Variants in FRMD4B observed in about 807,000 individuals in gnomAD.
The protein encoded by FRMD4B is FERM domain containing 4B, also known as FERM domain-containing protein 4B.
A neutral mutation model predicts 141.5 loss-of-function variants in FRMD4B; 74 were observed. The ratio of observed to expected loss-of-function variants is 0.52; its 90% CI spans 0.43 to 0.63. The LOEUF (loss-of-function observed/expected upper bound fraction) is 0.63. FRMD4B is among the 30% of genes least tolerant of loss of function. The probability of loss-of-function intolerance (pLI) is 0.00; values close to 1 mark genes in which losing one functional copy is unlikely to be tolerated. For missense variants in FRMD4B, 1,366 were observed against 1,253.4 expected, an observed-to-expected ratio of 1.09 and a Z score of -1.36; for synonymous variants, 506 against 467.9, an observed-to-expected ratio of 1.08 and a Z score of -1.05.
chr3:69,458,963 C>A (rs1467815643), intron 1 of FRMD4B, among the ~76,000 whole-genome samples: 8 of 151,628 alleles, frequency 5.3e-5, no homozygotes, highest in African/African-American at 1.9e-4. Context: ...TGCTGACTCA[C>A]TCTGAAATGG....
At chr3:69,282,204 T>C (rs2093647886) in intron 5 of FRMD4B, among the ~76,000 whole-genome samples, 1 of 152,368 alleles carries the variant, frequency 6.6e-6, no homozygotes, top group East Asian at 1.9e-4. Context: ...AGCTCTCTTT[T>C]CTTGCCTGTG....
chr3:69,226,577 T>C (rs946921902), intron 7 of FRMD4B, among the ~76,000 whole-genome samples: 1 of 152,084 alleles, frequency 6.6e-6, no homozygotes, highest in African/African-American at 2.4e-5. Context: ...ACCACATGCA[T>C]GTTGTTATTT....
intron 5 of FRMD4B, among the ~76,000 whole-genome samples, chr3:69,262,761 A>T (rs1039269045): frequency 7.9e-5 from 12 of 151,714 alleles, no homozygotes; most frequent in Non-Finnish European, 1.5e-4. Flanking sequence ...CGCCCGGTCC[A>T]CAAATAAGTA....
intron 5 of FRMD4B, among the ~76,000 whole-genome samples, chr3:69,286,346 T>C (rs189462391): frequency 1.4e-4 from 21 of 152,306 alleles, no homozygotes; most frequent in Non-Finnish European, 2.1e-4. Context: ...TAAAAGTAAA[T>C]TGTATGACAT....
At chr3:69,246,745 G>A (rs924659331) in intron 7 of FRMD4B, among the ~76,000 whole-genome samples, 3 of 152,210 alleles carry the variant, frequency 2.0e-5, no homozygotes, top group African/African-American at 7.2e-5. Context: ...ACTACTTAGT[G>A]TAGTTTGGAC....
chr3:69,333,288 C>CT (rs1435971142), intron 1 of FRMD4B, among the ~76,000 whole-genome samples: 1 of 152,106 alleles, frequency 6.6e-6, no homozygotes, highest in African/African-American at 2.4e-5. Flanking sequence ...TGTCAGAGTC[C>CT]TGAAGGCTTT....
In FRMD4B at chr3:69,189,879, A is replaced by C. The variant is rs752154523; in HGVS notation, c.1771+17T>G. On this transcript the variant is annotated intron_variant, in intron 18 of 22. Transcript: ENST00000398540. The stretch of plus-strand genomic sequence containing the variant: ...AATATCTAACATTTTTAAACCAAAA[A>C]AGGAAGAGCCACTTACGATCATCAT... 3 of 1,521,906 alleles carry C rather than the reference A, an allele frequency of 2.0e-6. No homozygotes were observed. The highest frequency in any genetic ancestry group is 2.7e-6 in the Non-Finnish European group (3 of 1,097,814). 94.3% of individuals were successfully genotyped at this position (1,521,906 alleles called of 1,614,324 possible). A position where few individuals can be genotyped will look rare whatever the true frequency, so the allele number is the denominator to read the frequency against.
intron 1 of FRMD4B, among the ~76,000 whole-genome samples, chr3:69,369,699 A>G (rs1042331910): frequency 4.7e-5 from 7 of 147,392 alleles, no homozygotes; most frequent in Admixed American, 4.1e-4. Flanking sequence ...TAGAAAGTTC[A>G]AAATATAAAA....
chr3:69,435,359 TAAA>T (rs76741517), intron 1 of FRMD4B, among the ~76,000 whole-genome samples: 2 of 142,972 alleles, frequency 1.4e-5, no homozygotes, highest in Non-Finnish European at 1.5e-5. Flanking sequence ...GGTTTTAGGT[TAAA>T]AAAAAAAAAA....
rs141013541 is a variant in FRMD4B at position 69,490,094 on chromosome 3, A to G, written c.-129+52112T>C. On this transcript the variant is annotated intron_variant, in intron 1 of 5. Transcript: ENST00000459638. ...CTGGGAGGATGGGAAGTAACTGCCA[A>G]TGGGTATGGGGTTTCTTTTTGGGAT... Among the ~76,000 whole-genome samples, 1,048 of 152,260 alleles carry G rather than the reference A, an allele frequency of 6.9e-3. 3 individuals are homozygous for G. Among genetic ancestry groups the G allele is most frequent in the Non-Finnish European group, 0.011 (781 of 68,010 alleles).
chr3:69,280,161 T>C (rs1419418648), intron 5 of FRMD4B, among the ~76,000 whole-genome samples: 3 of 152,148 alleles, frequency 2.0e-5, no homozygotes, highest in Admixed American at 1.3e-4. Flanking sequence ...ACCACAGCCA[T>C]GTTGAATGCT....
intron 4 of FRMD4B, 72 bp downstream of exon 4, chr3:69,302,271 A>T: frequency 1.3e-6 from 1 of 772,760 alleles, no homozygotes; most frequent in South Asian, 1.5e-5. Flanking sequence ...AAAAAATAGC[A>T]AAGAAAACAC....
chr3:69,224,822 A>T (rs909191268), intron 7 of FRMD4B, 132 bp from the exon 8 acceptor site: 3 of 599,224 alleles, frequency 5.0e-6, no homozygotes, highest in Non-Finnish European at 8.9e-6. Context: ...ATGGTTATGG[A>T]CTCTAACTAG....
chr3:69,383,068 G>A lies in FRMD4B; in HGVS notation c.162+2760C>T, dbSNP rs1214116138. On this transcript the variant is annotated intron_variant, in intron 1 of 22. Transcript: ENST00000398540. ...ATGCTTTCTAAACTCCAGGCAGCGT[G>A]CTAAATATCTCACGTCAATTAATTC... 5.8e-5 allele frequency among the ~76,000 whole-genome samples: 5 copies of A among 85,550 alleles called. No homozygotes were observed. In the East Asian group the frequency reaches 1.8e-3, roughly 32 times the overall value. The allele number at this position is 85,550 out of a possible 152,430, so 56.1% of individuals were successfully genotyped here. A position where few individuals can be genotyped will look rare whatever the true frequency, so the allele number is the denominator to read the frequency against.
chr3:69,407,252 A>G (rs1216448239), intron 2 of FRMD4B, among the ~76,000 whole-genome samples: 1 of 152,212 alleles, frequency 6.6e-6, no homozygotes, highest in Non-Finnish European at 1.5e-5. Context: ...GGTATAAAAG[A>G]CAGTAAGGAT....
intron 19 of FRMD4B, 109 bp downstream of exon 19, chr3:69,187,661 T>A (rs2092784695): frequency 9.6e-7 from 1 of 1,037,096 alleles, no homozygotes; most frequent in African/African-American, 1.6e-5. Flanking sequence ...TAACATCTTT[T>A]GGAAGGATAA....
chr3:69,169,615 C>T lies in FRMD4B; in HGVS notation c.*2246G>A, dbSNP rs1277916265. 6.6e-6 allele frequency among the ~76,000 whole-genome samples: 1 copy of T among 152,098 alleles called. No individual in the cohort carries two copies. The highest frequency in any genetic ancestry group is 2.4e-5 in the African/African-American group (1 of 41,410). The stretch of plus-strand genomic sequence containing the variant: ...CAAGCAATCCTCCCACTTCGGCCTC[C>T]CAAAGTGCTGGGATTACAGGTGTGA... On this transcript the variant is annotated 3_prime_UTR_variant, in exon 23 of 23. Coordinates refer to ENST00000398540, the MANE Select transcript of FRMD4B (RefSeq NM_015123.3).
intron 1 of FRMD4B, among the ~76,000 whole-genome samples, chr3:69,379,476 G>A (rs757739721): frequency 9.2e-5 from 14 of 151,998 alleles, no homozygotes; most frequent in Non-Finnish European, 1.5e-4. Context: ...GTGGGGTTTC[G>A]CCATGTTGCC....
At chr3:69,291,933 T>TC (rs1457551696) in intron 4 of FRMD4B, among the ~76,000 whole-genome samples, 1 of 89,914 alleles carries the variant, frequency 1.1e-5, no homozygotes, top group African/African-American at 3.7e-5. Context: ...TTTTTTTTTT[T>TC]CCATCTTTGG....
Sources: allele counts gnomAD v4.1 joint callset (sites outside exome capture counted in the v4.1 genomes callset), GRCh38; gene constraint gnomAD v4.1.1; transcripts MANE v1.5; gene names NCBI Gene and HGNC (gene_info 2026-07-23, HGNC 2026-07-21).